ATP2B2: variants seen among roughly 807,000 people sequenced by gnomAD.
The protein encoded by ATP2B2 is plasma membrane calcium-transporting ATPase 2.
ATP2B2 carries 15 observed loss-of-function variants against 120.0 expected under a neutral mutation model. The ratio of observed to expected loss-of-function variants is 0.12; its 90% CI spans 0.08 to 0.19. The LOEUF is 0.19. ATP2B2 is among the 10% of genes least tolerant of loss of function. The pLI is 1.00. For missense variants in ATP2B2, 1,045 were observed against 1,719.8 expected, an observed-to-expected ratio of 0.61 and a Z score of 6.94; for synonymous variants, 694 against 700.3, an observed-to-expected ratio of 0.99 and a Z score of 0.14.
intron 3 of ATP2B2, among the ~76,000 whole-genome samples, chr3:10,515,257 G>C (rs1448818832): frequency 6.6e-6 from 1 of 152,162 alleles, no homozygotes; most frequent in African/African-American, 2.4e-5. Context: ...AGTGTTGGGA[G>C]GCATAAATGA....
chr3:10,384,782 G>C (rs1214978217), intron 8 of ATP2B2, among the ~76,000 whole-genome samples: 3 of 152,210 alleles, frequency 2.0e-5, no homozygotes, highest in African/African-American at 7.2e-5. Context: ...CATGCTACAG[G>C]ACAGGGCCAA....
chr3:10,613,815 G>A (rs531624260), intron 2 of ATP2B2, among the ~76,000 whole-genome samples: 59 of 150,032 alleles, frequency 3.9e-4, no homozygotes, highest in South Asian at 8.5e-4. Flanking sequence ...CAAGACCCTC[G>A]AGTTCCCCAC....
intron 3 of ATP2B2, among the ~76,000 whole-genome samples, chr3:10,408,536 G>T: frequency 6.6e-6 from 1 of 152,068 alleles, no homozygotes; most frequent in Non-Finnish European, 1.5e-5. Context: ...GTGTGAAGCT[G>T]CCTTGGACCA....
At chr3:10,702,546 G>A (rs2071834217) in intron 1 of ATP2B2, among the ~76,000 whole-genome samples, 1 of 152,146 alleles carries the variant, frequency 6.6e-6, no homozygotes, top group South Asian at 2.1e-4. Flanking sequence ...TAGAGAGGAT[G>A]GAGCATCGCA....
At chr3:10,419,210 C>A (rs1490566103) in intron 2 of ATP2B2, among the ~76,000 whole-genome samples, 3 of 152,230 alleles carry the variant, frequency 2.0e-5, no homozygotes, top group Non-Finnish European at 2.9e-5. Flanking sequence ...TGTCCAGAAG[C>A]CCCTCCCACC....
chr3:10,486,554 C>T (rs924196138), intron 1 of ATP2B2, among the ~76,000 whole-genome samples: 2 of 152,102 alleles, frequency 1.3e-5, no homozygotes, highest in African/African-American at 2.4e-5. Flanking sequence ...TCAGGATCTT[C>T]GCACTGGCTG....
intron 2 of ATP2B2, among the ~76,000 whole-genome samples, chr3:10,557,666 T>C (rs752312611): frequency 2.6e-5 from 4 of 152,166 alleles, no homozygotes; most frequent in Non-Finnish European, 5.9e-5. Context: ...GGAAGAATGG[T>C]CTGAAGTGAC....
rs750438087 is a variant in ATP2B2 at position 10,340,670 on chromosome 3, G to A, written c.2952C>T (p.Asn984=). 21 of 1,614,068 alleles carry A rather than the reference G, an allele frequency of 1.3e-5. No homozygotes were observed. Among genetic ancestry groups the A allele is most frequent in the East Asian group, 8.9e-5 (4 of 44,898 alleles). ...CTGAGGGTGGCGAATGCAGGGGCGCGTTCCTCCCGCTGTCGATCTGGAACA... is the reference window on the plus strand; with the variant it reads ...CTGAGGGTGGCGAATGCAGGGGCGCATTCCTCCCGCTGTCGATCTGGAACA... ...EKMFQIDSGR[N]APLHSPPSEH... The change falls in exon 20 of 23, where the codon AAC becomes AAT. Residue 984 remains asparagine, a synonymous_variant. Transcript: ENST00000360273. This position sits in a 1 kb window ranked among gnomAD's most constrained non-coding sequence, Gnocchi z 5.0.
At chr3:10,562,926 GC>G (rs2067934706) in intron 2 of ATP2B2, among the ~76,000 whole-genome samples, 2 of 152,272 alleles carry the variant, frequency 1.3e-5, no homozygotes, top group Middle Eastern at 3.4e-3. Context: ...TGCTTTGGCT[GC>G]TAGGAAACTC....
chr3:10,463,255 C>T (rs1334584352), intron 1 of ATP2B2, among the ~76,000 whole-genome samples: 1 of 152,152 alleles, frequency 6.6e-6, no homozygotes, highest in Non-Finnish European at 1.5e-5. Flanking sequence ...GCCCTGAGCT[C>T]CCCAGGAACA....
At chr3:10,472,068 G>C (rs943160689) in intron 1 of ATP2B2, among the ~76,000 whole-genome samples, 2 of 129,400 alleles carry the variant, frequency 1.5e-5, no homozygotes, top group African/African-American at 5.9e-5. Flanking sequence ...GCCACAGAGC[G>C]AGACTCCGTC....
Position 10,326,927 on chromosome 3 carries a change from C to T in ATP2B2, c.*1887G>A. The T allele has an allele frequency of 2.5e-6, 1 of 398,872 alleles. No homozygotes were observed. Among genetic ancestry groups the T allele is most frequent in the Non-Finnish European group, 4.4e-6 (1 of 226,060 alleles). The allele number at this position is 398,872 out of a possible 1,614,324, so 24.7% of individuals were successfully genotyped here. Reference sequence around the variant, plus strand: ...TGGAGAAGGGAAGGGGCTGGGCTGACACAGCCATCGTGAGGAGGGTCAGCA... The same window carrying T: ...TGGAGAAGGGAAGGGGCTGGGCTGATACAGCCATCGTGAGGAGGGTCAGCA... On this transcript the variant is annotated 3_prime_UTR_variant, in exon 23 of 23. Transcript: ENST00000360273.
intron 2 of ATP2B2, among the ~76,000 whole-genome samples, chr3:10,582,575 G>A (rs1316965537): frequency 6.6e-6 from 1 of 152,236 alleles, no homozygotes; most frequent in Non-Finnish European, 1.5e-5. Flanking sequence ...ACGTGTGGTT[G>A]GGGCAGAAGG....
chr3:10,506,905 C>T (rs2066646864), upstream of ATP2B2, among the ~76,000 whole-genome samples: 1 of 152,234 alleles, frequency 6.6e-6, no homozygotes, highest in Admixed American at 6.5e-5. Context: ...TCTCGTTAAG[C>T]TGAAAGTCTG....
At chr3:10,476,302 G>T (rs1464223185) in intron 1 of ATP2B2, among the ~76,000 whole-genome samples, 1 of 152,142 alleles carries the variant, frequency 6.6e-6, no homozygotes, top group African/African-American at 2.4e-5. Context: ...TTTTTCTGGG[G>T]AGGAAGCCTT....
chr3:10,425,273 G>A (rs1319870123), intron 2 of ATP2B2, among the ~76,000 whole-genome samples: 1 of 151,944 alleles, frequency 6.6e-6, no homozygotes, highest in African/African-American at 2.4e-5. Context: ...TCGTGCCACT[G>A]TACTCCAGCA....
rs749324476 is a variant in ATP2B2 at position 10,521,865 on chromosome 3, AGCAACCCTGCTAGGGAG to A, written c.-320+12157_-320+12173del. Among the ~76,000 whole-genome samples the A allele has an allele frequency of 1.2e-3, 185 of 152,334 alleles. 1 individual carries two copies. The highest frequency in any genetic ancestry group is 2.1e-3 in the Non-Finnish European group (145 of 68,024). ...CACATACATCATCTCTAACTCTTAC[AGCAACCCTGCTAGGGAG>A]GCAATATTAGCCCATTTACAGAAGA... On this transcript the variant is annotated intron_variant, in intron 3 of 21. Transcript: ENST00000646379.
At chr3:10,662,568 A>C (rs188616908) in intron 1 of ATP2B2, among the ~76,000 whole-genome samples, 23,940 of 138,338 alleles carry the variant, frequency 0.17, 3,821 homozygotes, top group African/African-American at 0.43. Flanking sequence ...GTTAGAATGG[A>C]AATCATTAAA....
At position 10,343,904 on chromosome 3, in the gene ATP2B2, T is replaced by C. The variant is rs561149388; in HGVS notation, c.2704-939A>G. ...CGTCCTGTGGCTTTAGTTACATCCGTCTAGTGGCCTGTGGAACACCTCCTC... is the reference window on the plus strand; with the variant it reads ...CGTCCTGTGGCTTTAGTTACATCCGCCTAGTGGCCTGTGGAACACCTCCTC... On this transcript the variant is annotated intron_variant, in intron 18 of 22. Coordinates refer to ENST00000360273, the MANE Select transcript of ATP2B2 (RefSeq NM_001001331.4). This position sits in a 1 kb window ranked among gnomAD's most constrained non-coding sequence, Gnocchi z 4.2. 6.6e-6 allele frequency among the ~76,000 whole-genome samples: 1 copy of C among 152,202 alleles called. No individual in the cohort carries two copies. Among genetic ancestry groups the C allele is most frequent in the South Asian group, 2.1e-4 (1 of 4,802 alleles).
Sources: allele counts gnomAD v4.1 joint callset (sites outside exome capture counted in the v4.1 genomes callset), GRCh38; gene constraint gnomAD v4.1.1; non-coding constraint Gnocchi (gnomAD v3.1); transcripts MANE v1.5; gene names NCBI Gene and HGNC (gene_info 2026-07-23, HGNC 2026-07-21).